Variants in FOXO1 observed in about 807,000 individuals in gnomAD.
FOXO1 encodes the protein forkhead box protein O1.
Under a neutral mutation model 44.1 loss-of-function variants are expected in FOXO1, and 6 were observed. The observed-to-expected ratio is 0.14, with a 90% CI of 0.07 to 0.27. FOXO1 has a LOEUF of 0.27. FOXO1 is among the 10% of genes least tolerant of loss of function. FOXO1 has a pLI of 1.00. For missense variants in FOXO1, 737 were observed against 888.8 expected, an observed-to-expected ratio of 0.83 and a Z score of 2.17; for synonymous variants, 380 against 362.7, an observed-to-expected ratio of 1.05 and a Z score of -0.54.
At chr13:40,564,788 A>T (rs1369628959) in intron 1 of FOXO1, among the ~76,000 whole-genome samples, 2 of 151,326 alleles carry the variant, frequency 1.3e-5, no homozygotes, top group Admixed American at 1.3e-4. Context: ...CTAGAGAAAC[A>T]CAAGCCAGCC....
chr13:40,571,985 T>C (rs751880512), intron 1 of FOXO1, among the ~76,000 whole-genome samples: 1 of 152,238 alleles, frequency 6.6e-6, no homozygotes, highest in Non-Finnish European at 1.5e-5. Flanking sequence ...ATTTTAAAGC[T>C]TTCTAAAATT....
At chr13:40,609,453 G>T (rs1038855468) in intron 1 of FOXO1, among the ~76,000 whole-genome samples, 1 of 152,042 alleles carries the variant, frequency 6.6e-6, no homozygotes, top group Admixed American at 6.6e-5. Context: ...GTAAATGTAA[G>T]TCTGTTTACT....
chr13:40,665,388 C>T (rs761446845), intron 1 of FOXO1, among the ~76,000 whole-genome samples, 195 bp downstream of exon 1: 2 of 152,104 alleles, frequency 1.3e-5, no homozygotes, highest in Non-Finnish European at 2.9e-5. Flanking sequence ...GAACTCCTGA[C>T]TGGCGCGCAC....
Position 40,595,639 on chromosome 13 carries a change from A to C in FOXO1, c.631-34779T>G, listed in dbSNP as rs1298855021. Among the ~76,000 whole-genome samples, 3 of 152,204 alleles carry C rather than the reference A, an allele frequency of 2.0e-5. No individual in the cohort carries two copies. In the East Asian group the frequency reaches 5.8e-4, roughly 29 times the overall value. The stretch of plus-strand genomic sequence containing the variant: ...GAAGGGCCACTAAGACAACTATAAA[A>C]TTATCAAGTGAACAGTAACAGAAAT... On this transcript the variant is annotated intron_variant, in intron 1 of 2. Transcript: ENST00000379561.
At chr13:40,637,978 G>A (rs1877217130) in intron 1 of FOXO1, among the ~76,000 whole-genome samples, 1 of 152,146 alleles carries the variant, frequency 6.6e-6, no homozygotes, top group Non-Finnish European at 1.5e-5. Context: ...CCACACTTAG[G>A]GTCATTTGCA....
At chr13:40,629,729 C>T (rs1876899913) in intron 1 of FOXO1, among the ~76,000 whole-genome samples, 1 of 152,196 alleles carries the variant, frequency 6.6e-6, no homozygotes, top group South Asian at 2.1e-4. Context: ...ATTCAACCTG[C>T]ATATGGACAT....
intron 1 of FOXO1, among the ~76,000 whole-genome samples, chr13:40,645,779 C>T (rs1253495138): frequency 6.6e-6 from 1 of 152,180 alleles, no homozygotes; most frequent in Non-Finnish European, 1.5e-5. Flanking sequence ...TTTAGATGTG[C>T]ACCCTCAAAA....
At chr13:40,598,225 G>A (rs7990638) in intron 1 of FOXO1, among the ~76,000 whole-genome samples, 1,921 of 152,228 alleles carry the variant, frequency 0.013, 51 homozygotes, top group African/African-American at 0.043. Flanking sequence ...TGGCTCTTCA[G>A]GTGGAATATG....
chr13:40,647,459 C>T (rs1172057491), intron 1 of FOXO1, among the ~76,000 whole-genome samples: 1 of 152,152 alleles, frequency 6.6e-6, no homozygotes, highest in East Asian at 1.9e-4. Context: ...GGCGGGAGTG[C>T]AGTGGCGTGA....
In FOXO1 at chr13:40,560,261, T is replaced by C. The variant is rs1873942611; in HGVS notation, c.1230A>G (p.Pro410=). The C allele has an allele frequency of 1.2e-5, 20 of 1,614,186 alleles. No homozygotes were observed. Among genetic ancestry groups the C allele is most frequent in the Non-Finnish European group, 1.7e-5 (20 of 1,180,040 alleles). The part of the protein sequence containing the change: ...QQTPCYSFAP[P]NTSLNSPSPN... ...GGCTGGGTGAATTCAAACTGGTGTT[T>C]GGTGGCGCAAACGAGTAGCACGGCG... is the stretch of plus-strand genomic sequence containing the variant. The change falls in exon 2 of 3, where the codon CCA becomes CCG. Residue 410 remains proline, a synonymous_variant. Transcript: ENST00000379561. The surrounding 1 kb of genome is among the most constrained non-coding windows in gnomAD (Gnocchi z 5.1).
chr13:40,638,981 G>A (rs903497228), intron 1 of FOXO1, among the ~76,000 whole-genome samples: 4 of 152,238 alleles, frequency 2.6e-5, no homozygotes, highest in East Asian at 3.9e-4. Flanking sequence ...ATCACCTGAC[G>A]TCAGGAGTTC....
intron 1 of FOXO1, among the ~76,000 whole-genome samples, chr13:40,632,105 A>G (rs1876982582): frequency 6.6e-6 from 1 of 152,138 alleles, no homozygotes; most frequent in African/African-American, 2.4e-5. Flanking sequence ...CCCCATCTCT[A>G]CTAAAAATAC....
rs1873930699 is a variant in FOXO1, at chr13:40,560,086, C to T, written c.1405G>A (p.Asp469Asn). The change falls in exon 2 of 3, where the codon GAC becomes AAC. Residue 469 changes from aspartate to asparagine, a missense_variant. By Grantham distance (23) the Asp-to-Asn change is conservative. Transcript: ENST00000379561. The surrounding 1 kb of genome is among the most constrained non-coding windows in gnomAD (Gnocchi z 5.1). ...ATAATGTCATTATGGGGAGGAGAGT[C>T]AGAAGTCAGCAACTCCTTCAAGAGT... ...PGLLKELLTSDSPPHNDIMTP... is the reference protein window; with the variant it reads ...PGLLKELLTSNSPPHNDIMTP... The T allele has an allele frequency of 2.5e-6, 4 of 1,613,956 alleles. No homozygotes were observed. Among genetic ancestry groups the T allele is most frequent in the Non-Finnish European group, 3.4e-6 (4 of 1,180,022 alleles).
chr13:40,556,519 G>A lies in FOXO1; in HGVS notation c.*2530C>T, dbSNP rs1163153791. On this transcript the variant is annotated 3_prime_UTR_variant, in exon 3 of 3. Coordinates refer to ENST00000379561, the MANE Select transcript of FOXO1 (RefSeq NM_002015.4). ...TTTGCACATTTCACAAAGCAATCAT[G>A]TACAATAACTGATATATACTCATTA... 2.6e-5 allele frequency: 4 copies of A among 152,560 alleles called. No homozygotes were observed. Among genetic ancestry groups the A allele is most frequent in the Non-Finnish European group, 5.9e-5 (4 of 68,026 alleles). The allele number at this position is 152,560 out of a possible 1,614,324, so 9.5% of individuals were successfully genotyped here. A position where few individuals can be genotyped will look rare whatever the true frequency, so the allele number is the denominator to read the frequency against.
intron 1 of FOXO1, among the ~76,000 whole-genome samples, chr13:40,661,231 CTTCA>C (rs1227670528): frequency 6.6e-6 from 1 of 152,040 alleles, no homozygotes; most frequent in African/African-American, 2.4e-5. Flanking sequence ...TAAATTATTT[CTTCA>C]TTATCGCTTC....
chr13:40,662,305 C>T (rs1332780998), intron 1 of FOXO1, among the ~76,000 whole-genome samples: 1 of 151,464 alleles, frequency 6.6e-6, no homozygotes, highest in African/African-American at 2.4e-5. Flanking sequence ...CTAAAGTGTT[C>T]CTAATAATAT....
At chr13:40,593,643 T>G (rs1287750696) in intron 1 of FOXO1, among the ~76,000 whole-genome samples, 6 of 152,210 alleles carry the variant, frequency 3.9e-5, no homozygotes, top group Admixed American at 2.0e-4. Flanking sequence ...TTAGTTCTAT[T>G]TATACCAAAG....
Position 40,666,187 on chromosome 13 carries a change from T to C in FOXO1, c.26A>G (p.Glu9Gly). 1 of 1,451,716 alleles carries C rather than the reference T, an allele frequency of 6.9e-7. No homozygotes were observed. The highest frequency in any genetic ancestry group is 2.3e-4 in the Middle Eastern group (1 of 4,378). The allele number at this position is 1,451,716 out of a possible 1,614,324, so 89.9% of individuals were successfully genotyped here. MAEAPQVV[E>G]IDPDFEPLPR... Reference sequence around the variant, plus strand: ...CAGCGGCTCGAAGTCCGGGTCGATCTCCACCACCTGAGGCGCCTCGGCCAT... The same window carrying C: ...CAGCGGCTCGAAGTCCGGGTCGATCCCCACCACCTGAGGCGCCTCGGCCAT... The change falls in exon 1 of 3, where the codon GAG becomes GGG. Residue 9 changes from glutamate to glycine, a missense_variant. Physicochemically the swap from Glu to Gly is moderately conservative, Grantham distance 98. Around this residue, in one of 7 missense-constraint regions of FOXO1, gnomAD observed 213 missense variants for 236.4 expected, o/e 0.90. Coordinates refer to ENST00000379561, the MANE Select transcript of FOXO1 (RefSeq NM_002015.4).
chr13:40,607,167 T>C (rs973845971), intron 1 of FOXO1, among the ~76,000 whole-genome samples: 7 of 152,200 alleles, frequency 4.6e-5, no homozygotes, highest in Admixed American at 2.6e-4. Flanking sequence ...TATGCCTTGG[T>C]TGGGCCTCTG....
Sources: gnomAD v4.1 joint callset for allele counts (sites outside exome capture counted in the v4.1 genomes callset) on GRCh38, gnomAD v4.1.1 for gene constraint, gnomAD v4.1.1 regional missense constraint, Gnocchi (gnomAD v3.1) non-coding constraint, MANE v1.5 for transcripts, NCBI Gene and HGNC (gene_info 2026-07-23, HGNC 2026-07-21) for gene names.